The following TSEN2 variants were observed in gnomAD, a reference collection of about 807,000 sequenced individuals.
TSEN2 encodes tRNA-splicing endonuclease subunit Sen2.
In TSEN2, 54 loss-of-function variants were observed where a neutral mutation model predicts 59.2. The ratio of observed to expected loss-of-function variants is 0.91; its 90% CI spans 0.73 to 1.14. The LOEUF (loss-of-function observed/expected upper bound fraction) is 1.14. TSEN2 is among the 50% of genes most tolerant of loss of function. The pLI, the probability that TSEN2 is intolerant of heterozygous loss-of-function variation, is 0.00. For missense variants in TSEN2, 636 were observed against 576.2 expected, an observed-to-expected ratio of 1.10 and a Z score of -1.06; for synonymous variants, 195 against 198.2, an observed-to-expected ratio of 0.98 and a Z score of 0.14.
exon 11 of TSEN2, chr3:12,539,197 G>A (rs984600596): frequency 2.1e-5 from 9 of 419,866 alleles, no homozygotes; most frequent in Admixed American, 3.0e-5. Context: ...CCAATGCTGC[G>A]ATCTTGGATC....
At chr3:12,523,064 A>G (rs762234451) in intron 8 of TSEN2, among the ~76,000 whole-genome samples, 1 of 152,180 alleles carries the variant, frequency 6.6e-6, no homozygotes, top group African/African-American at 2.4e-5. Flanking sequence ...TTGCTGGAGT[A>G]CTTAACAGCT....
At chr3:12,497,739 T>C (rs299647) in intron 4 of TSEN2, among the ~76,000 whole-genome samples, 21,806 of 152,272 alleles carry the variant, frequency 0.14, 1,925 homozygotes, top group Non-Finnish European at 0.2. Context: ...AGCATCTCTT[T>C]AGGAGCACTA....
At chr3:12,521,788 G>A (rs2056656745) in intron 8 of TSEN2, among the ~76,000 whole-genome samples, 1 of 152,162 alleles carries the variant, frequency 6.6e-6, no homozygotes, top group Admixed American at 6.5e-5. Flanking sequence ...GAGGCGGGCT[G>A]ATCATGAGGT....
chr3:12,503,614 T>C lies in TSEN2; in HGVS notation c.661T>C (p.Cys221Arg), dbSNP rs765928400. 3 of 1,594,836 alleles carry C rather than the reference T, an allele frequency of 1.9e-6. No homozygotes were observed. The highest frequency in any genetic ancestry group is 2.3e-5 in the South Asian group (2 of 88,030). ...GGATGCCTCACCTCTGCCCCATGTC[T>C]GTTGCTGCAAACAAGATGCTCTCAT... ...REDASPLPHV[C>R]CCKQDALILQ... The change falls in exon 5 of 12, where the codon TGT (cysteine) becomes CGT (arginine). Residue 221 changes from cysteine (C) to arginine (R), a missense_variant. Cys to Arg is a radical substitution (Grantham distance 180). Transcript: ENST00000284995.
rs1270549328 is a variant in TSEN2, at chr3:12,519,043, T to C, written c.961-16T>C. On this transcript the variant is annotated splice_polypyrimidine_tract_variant and intron_variant, in intron 7 of 11. Coordinates refer to ENST00000284995, the MANE Select transcript of TSEN2 (RefSeq NM_025265.4). Reference sequence around the variant, plus strand: ...ATACATAGTAATGCTTTTTGTTTTTTTGTAAATAACTTTAGGAGCCTTTAA... The same window carrying C: ...ATACATAGTAATGCTTTTTGTTTTTCTGTAAATAACTTTAGGAGCCTTTAA... 6 of 1,614,026 alleles carry C rather than the reference T, an allele frequency of 3.7e-6. No individual in the cohort carries two copies. In the African/African-American group the frequency reaches 8.0e-5, roughly 22 times the overall value.
rs1559268438 is a variant in TSEN2, at chr3:12,487,914, A to T, written c.-17-1870A>T. Among the ~76,000 whole-genome samples, 7 of 152,364 alleles carry T rather than the reference A, an allele frequency of 4.6e-5. No individual in the cohort carries two copies. The South Asian group carries it at 1.4e-3, about 32-fold the overall frequency. On this transcript the variant is annotated intron_variant, in intron 1 of 11. Transcript: ENST00000284995. Reference sequence around the variant, plus strand: ...TTCCTTCAAGGAACCTTATTTAGAAATTAATCTAGCATGTTGCTGCTTAGA... The same window carrying T: ...TTCCTTCAAGGAACCTTATTTAGAATTTAATCTAGCATGTTGCTGCTTAGA...
intron 8 of TSEN2, among the ~76,000 whole-genome samples, chr3:12,520,515 T>A (rs900174942): frequency 1.1e-4 from 16 of 152,036 alleles, no homozygotes; most frequent in African/African-American, 3.9e-4. Context: ...TAGGGCCAGG[T>A]GCGGTGGCTC....
At chr3:12,519,434 G>A (rs1432972611) in intron 8 of TSEN2, among the ~76,000 whole-genome samples, 1 of 152,166 alleles carries the variant, frequency 6.6e-6, no homozygotes, top group African/African-American at 2.4e-5. Context: ...TTTCCCTCTT[G>A]TTTGCTCTAT....
chr3:12,503,124 T>A, intron 4 of TSEN2, 138 bp from the exon 5 acceptor site: 1 of 909,570 alleles, frequency 1.1e-6, no homozygotes. Context: ...AGAAGAAAAA[T>A]ATTTATCTAT....
At chr3:12,523,526 C>CTTGTTTTTTTTTTTTTTTTTTTTTTT (rs2056821157) in intron 8 of TSEN2, among the ~76,000 whole-genome samples, 2 of 46,480 alleles carry the variant, frequency 4.3e-5, no homozygotes, top group Non-Finnish European at 8.7e-5. Flanking sequence ...CTCTTTGATT[C>CTTGTTTTTTTTTTTTTTTTTTTTTTT]TTTTTTTTTT....
intron 6 of TSEN2, among the ~76,000 whole-genome samples, chr3:12,510,882 T>C (rs1321697234): frequency 6.6e-6 from 1 of 152,208 alleles, no homozygotes; most frequent in Non-Finnish European, 1.5e-5. Flanking sequence ...CAAGAATATA[T>C]ACTTACAGCA....
In TSEN2 at chr3:12,523,189, T is replaced by C. The variant is rs184808519; in HGVS notation, c.1099+3992T>C. ...CTAACGCAGGATTTATATTGTCTTA[T>C]GTACACAGTTATGGTTTGATTTGAT... On this transcript the variant is annotated intron_variant, in intron 8 of 11. Transcript: ENST00000284995. Among the ~76,000 whole-genome samples the C allele has an allele frequency of 3.0e-4, 46 of 152,324 alleles. 1 individual carries two copies. In the East Asian group the frequency reaches 7.1e-3, roughly 24 times the overall value.
intron 6 of TSEN2, among the ~76,000 whole-genome samples, chr3:12,508,239 T>G (rs1018518229): frequency 1.3e-5 from 2 of 152,224 alleles, no homozygotes; most frequent in East Asian, 1.9e-4. Context: ...AGGCTGCTGC[T>G]GCCTGCTGCC....
chr3:12,494,738 A>T (rs1208630821), intron 3 of TSEN2, among the ~76,000 whole-genome samples: 1 of 150,568 alleles, frequency 6.6e-6, no homozygotes, highest in Non-Finnish European at 1.5e-5. Flanking sequence ...ATAGTTTTTT[A>T]AAAATTCCAG....
At chr3:12,483,826 G>A (rs1271318643), upstream of TSEN2, among the ~76,000 whole-genome samples, 4 of 152,188 alleles carry the variant, frequency 2.6e-5, no homozygotes, top group South Asian at 8.3e-4. Context: ...TTGCACTCCA[G>A]TTTTGCTCAT....
At position 12,490,248 on chromosome 3, in the gene TSEN2, A is replaced by ATT. The variant is rs143173105; in HGVS notation, c.189+266_189+267dup. ...ATGAAGTAGGTTCAATGGATTGACT[A>ATT]TTTTTTTTGTCTTTAGTTGTAAAAG... On this transcript the variant is annotated intron_variant, in intron 2 of 11. Coordinates refer to ENST00000284995, the MANE Select transcript of TSEN2 (RefSeq NM_025265.4). Among the ~76,000 whole-genome samples, 66 of 152,124 alleles carry ATT rather than the reference A, an allele frequency of 4.3e-4. 1 individual carries two copies. The highest frequency in any genetic ancestry group is 9.4e-4 in the African/African-American group (39 of 41,498).
At chr3:12,520,735 A>G (rs1671592677) in intron 8 of TSEN2, among the ~76,000 whole-genome samples, 1 of 151,322 alleles carries the variant, frequency 6.6e-6, no homozygotes, top group Non-Finnish European at 1.5e-5. Flanking sequence ...GGTTGTAGTG[A>G]GCTGAGATCA....
intron 1 of TSEN2, 33 bp from the exon 2 acceptor site, chr3:12,489,751 T>C: frequency 6.3e-7 from 1 of 1,581,378 alleles, no homozygotes. Context: ...ATTGATTGTC[T>C]GTTTCTTTCT....
intron 3 of TSEN2, among the ~76,000 whole-genome samples, chr3:12,496,086 A>G (rs1444042700): frequency 3.3e-5 from 5 of 152,252 alleles, no homozygotes. Flanking sequence ...CAACACTGCA[A>G]TCAAGTTCAC....
Sources: gnomAD v4.1 joint callset for allele counts (sites outside exome capture counted in the v4.1 genomes callset) on GRCh38, gnomAD v4.1.1 for gene constraint, MANE v1.5 for transcripts, NCBI Gene and HGNC (gene_info 2026-07-23, HGNC 2026-07-21) for gene names.